Variants in SHANK2 observed in about 807,000 individuals in gnomAD.
SHANK2 encodes SH3 and multiple ankyrin repeat domains 2.
A neutral mutation model predicts 133.7 loss-of-function variants in SHANK2; 43 were observed. The observed-to-expected ratio is 0.32, with a 90% confidence interval of 0.25 to 0.41. The LOEUF is 0.41. Among genes scored for constraint, SHANK2 ranks in the 10% least tolerant of loss-of-function variants. The pLI, the probability that SHANK2 is intolerant of heterozygous loss-of-function variation, is 1.00. For missense variants in SHANK2, 1,994 were observed against 2,235.8 expected, an observed-to-expected ratio of 0.89 and a Z score of 2.18; for synonymous variants, 1,017 against 952.8, an observed-to-expected ratio of 1.07 and a Z score of -1.24.
chr11:70,832,522 C>T (rs1948740659), intron 11 of SHANK2, among the ~76,000 whole-genome samples: 1 of 152,190 alleles, frequency 6.6e-6, no homozygotes, highest in Non-Finnish European at 1.5e-5. Flanking sequence ...TCCTCCCTGC[C>T]CTGCACACTG....
At chr11:70,602,389 T>C (rs782745778) in intron 17 of SHANK2, among the ~76,000 whole-genome samples, 1 of 152,224 alleles carries the variant, frequency 6.6e-6, no homozygotes, top group Non-Finnish European at 1.5e-5. Context: ...ACTTGCCTCC[T>C]AGTGATCTAG....
chr11:70,939,864 G>T (rs1950620942), intron 10 of SHANK2, among the ~76,000 whole-genome samples: 1 of 152,192 alleles, frequency 6.6e-6, no homozygotes, highest in Non-Finnish European at 1.5e-5. Context: ...ATCTTCAGAT[G>T]CAGAGACTAT....
At chr11:71,115,035 C>T (rs1555100071) in intron 4 of SHANK2, among the ~76,000 whole-genome samples, 2 of 152,312 alleles carry the variant, frequency 1.3e-5, no homozygotes, top group African/African-American at 4.8e-5. Flanking sequence ...TCCAACATTT[C>T]ATAAGCAGCC....
chr11:71,219,138 A>G (rs1954481407), intron 2 of SHANK2, among the ~76,000 whole-genome samples: 1 of 152,236 alleles, frequency 6.6e-6, no homozygotes, highest in South Asian at 2.1e-4. Context: ...ATCACATCAG[A>G]GAAAAGTGGC....
At chr11:71,184,163 C>T (rs1225797591) in intron 2 of SHANK2, among the ~76,000 whole-genome samples, 1 of 152,162 alleles carries the variant, frequency 6.6e-6, no homozygotes, top group African/African-American at 2.4e-5. Flanking sequence ...CAGGCACCCA[C>T]CTGTCACTAT....
intron 17 of SHANK2, among the ~76,000 whole-genome samples, chr11:70,647,971 G>A (rs1270598965): frequency 2.0e-5 from 3 of 152,296 alleles, no homozygotes; most frequent in Middle Eastern, 3.4e-3. Flanking sequence ...CGTTTATGTC[G>A]ACATTATTCA....
intron 15 of SHANK2, among the ~76,000 whole-genome samples, chr11:70,688,784 C>A (rs1465922464): frequency 6.6e-6 from 1 of 152,110 alleles, no homozygotes; most frequent in Non-Finnish European, 1.5e-5. Context: ...CATCAGAGAG[C>A]CTCCTCCCCT....
intron 10 of SHANK2, among the ~76,000 whole-genome samples, chr11:70,913,925 C>T (rs553262738): frequency 5.3e-5 from 8 of 152,346 alleles, no homozygotes; most frequent in African/African-American, 1.9e-4. Flanking sequence ...GTAATGCTGC[C>T]ACACTTCATT....
rs868971408 is a variant in SHANK2, at chr11:70,755,030, A to C, written c.1777+43413T>G. Reference sequence around the variant, plus strand: ...AAGCAAGATCCCAGAAGTACTTCGAAATGTCCCGCACAATTCCTATGTATG... The same window carrying C: ...AAGCAAGATCCCAGAAGTACTTCGACATGTCCCGCACAATTCCTATGTATG... On this transcript the variant is annotated intron_variant, in intron 14 of 25. Coordinates refer to ENST00000601538, the MANE Select transcript of SHANK2 (RefSeq NM_012309.5). 5.9e-5 allele frequency among the ~76,000 whole-genome samples: 9 copies of C among 152,290 alleles called. No homozygotes were observed. The South Asian group carries it at 1.2e-3, about 21-fold the overall frequency.
intron 2 of SHANK2, among the ~76,000 whole-genome samples, chr11:71,187,788 T>G (rs1953703669): frequency 6.6e-6 from 1 of 152,214 alleles, no homozygotes; most frequent in African/African-American, 2.4e-5. Flanking sequence ...CGAGCAGCCT[T>G]GGAAGTTAGA....
At chr11:70,630,267 G>C (rs1209106488) in intron 17 of SHANK2, among the ~76,000 whole-genome samples, 1 of 152,226 alleles carries the variant, frequency 6.6e-6, no homozygotes, top group Non-Finnish European at 1.5e-5. Flanking sequence ...CGATGCCCCA[G>C]GTCCCAGGCC....
intron 14 of SHANK2, among the ~76,000 whole-genome samples, chr11:70,701,901 C>A (rs1413386535): frequency 6.0e-5 from 9 of 150,986 alleles, no homozygotes; most frequent in Non-Finnish European, 1.3e-4. Flanking sequence ...CACCACCACC[C>A]TCCATCATCA....
At chr11:71,105,330 C>T (rs1951785183) in intron 6 of SHANK2, among the ~76,000 whole-genome samples, 1 of 152,126 alleles carries the variant, frequency 6.6e-6, no homozygotes, top group South Asian at 2.1e-4. Flanking sequence ...CGGTGGCTCA[C>T]ACCTGTAATC....
chr11:70,502,777 G>C lies in SHANK2; in HGVS notation c.2197+19C>G. The C allele has an allele frequency of 4.4e-6, 7 of 1,595,322 alleles. No individual in the cohort carries two copies. Among genetic ancestry groups the C allele is most frequent in the Non-Finnish European group, 6.0e-6 (7 of 1,173,264 alleles). ...CCAGTAGGGCCCCAGGCTGGAGCTG[G>C]GCGATGTGGGGCATGTACCTTTCTT... On this transcript the variant is annotated intron_variant, in intron 18 of 25. Coordinates refer to ENST00000601538, the MANE Select transcript of SHANK2 (RefSeq NM_012309.5).
At chr11:71,119,564 G>A (rs1952044940) in intron 3 of SHANK2, among the ~76,000 whole-genome samples, 1 of 132,026 alleles carries the variant, frequency 7.6e-6, no homozygotes, top group South Asian at 2.6e-4. Context: ...TGGCGACAAG[G>A]CGAGACTCCA....
At chr11:70,831,357 G>A (rs1434043035) in intron 11 of SHANK2, among the ~76,000 whole-genome samples, 2 of 152,184 alleles carry the variant, frequency 1.3e-5, no homozygotes, top group African/African-American at 4.8e-5. Context: ...TTTCCAGAAA[G>A]GAAAAGGGTC....
At chr11:70,704,486 C>T (rs1945615670) in intron 14 of SHANK2, among the ~76,000 whole-genome samples, 1 of 152,160 alleles carries the variant, frequency 6.6e-6, no homozygotes, top group Non-Finnish European at 1.5e-5. Context: ...TGGGTGTGGT[C>T]TAGGGATCCT....
chr11:70,787,648 C>G (rs1357854850), intron 14 of SHANK2, among the ~76,000 whole-genome samples: 1 of 151,888 alleles, frequency 6.6e-6, no homozygotes, highest in African/African-American at 2.4e-5. Flanking sequence ...TGACCGCCAC[C>G]AACACCACCA....
Position 70,715,857 on chromosome 11 carries a change from C to T in SHANK2, c.1778-17094G>A, listed in dbSNP as rs144209810. Among the ~76,000 whole-genome samples, 520 of 152,272 alleles carry T rather than the reference C, an allele frequency of 3.4e-3. 2 individuals are homozygous for T. Among genetic ancestry groups the T allele is most frequent in the Middle Eastern group, 6.8e-3 (2 of 294 alleles). Reference sequence around the variant, plus strand: ...GGACCCGGCAGCCCAGGGCTGGAGTCGCCAGTGGGGAGGAGGGGTGGGGTA... The same window carrying T: ...GGACCCGGCAGCCCAGGGCTGGAGTTGCCAGTGGGGAGGAGGGGTGGGGTA... On this transcript the variant is annotated intron_variant, in intron 14 of 25. Transcript: ENST00000601538.
Sources: gnomAD v4.1 joint callset for allele counts (sites outside exome capture counted in the v4.1 genomes callset) on GRCh38, gnomAD v4.1.1 for gene constraint, MANE v1.5 for transcripts, NCBI Gene and HGNC (gene_info 2026-07-23, HGNC 2026-07-21) for gene names.